Variants in PCGF6 observed in about 807,000 individuals in gnomAD.
The protein encoded by PCGF6 is polycomb group RING finger protein 6.
Under a neutral mutation model 45.5 loss-of-function variants are expected in PCGF6, and 24 were observed. The ratio of observed to expected loss-of-function variants is 0.53; its 90% CI spans 0.38 to 0.74. The LOEUF (loss-of-function observed/expected upper bound fraction) is 0.74. Ranked by LOEUF, PCGF6 falls within the 30% of genes least tolerant of loss-of-function variation. The pLI, the probability that PCGF6 is intolerant of heterozygous loss-of-function variation, is 0.00. For synonymous variants in PCGF6, 152 were observed against 162.1 expected (o/e 0.94, Z 0.47); for missense variants, 356 against 443.2 (o/e 0.80, Z 1.77).
At chr10:103,348,680 T>C (rs1354125655) in intron 3 of PCGF6, 36 bp downstream of exon 3, 3 of 1,397,508 alleles carry the variant, frequency 2.1e-6, no homozygotes, top group South Asian at 1.3e-5. Context: ...AAAAAGTATA[T>C]TTAAAATACA....
chr10:103,322,575 CT>C (rs1184473299), intron 8 of PCGF6, among the ~76,000 whole-genome samples: 1 of 151,734 alleles, frequency 6.6e-6, no homozygotes, highest in Non-Finnish European at 1.5e-5. Flanking sequence ...AATCCCAGTA[CT>C]TTGGGAGGCT....
chr10:103,308,950 T>G (rs1386241386), intron 9 of PCGF6, among the ~76,000 whole-genome samples: 1 of 152,182 alleles, frequency 6.6e-6, no homozygotes, highest in Non-Finnish European at 1.5e-5. Context: ...TGGGGACATA[T>G]AGCCTCATTC....
intron 7 of PCGF6, among the ~76,000 whole-genome samples, chr10:103,327,474 T>A (rs1417122985): frequency 6.6e-6 from 1 of 152,134 alleles, no homozygotes; most frequent in East Asian, 1.9e-4. Context: ...ATCTAGGAAA[T>A]TTAAGTAGTA....
chr10:103,340,828 C>T (rs1266325167), intron 6 of PCGF6, among the ~76,000 whole-genome samples: 1 of 152,106 alleles, frequency 6.6e-6, no homozygotes, highest in Non-Finnish European at 1.5e-5. Flanking sequence ...GTGTCCAGCT[C>T]CTGGACTCCA....
intron 8 of PCGF6, among the ~76,000 whole-genome samples, chr10:103,321,836 A>G (rs2093198712): frequency 6.6e-6 from 1 of 152,142 alleles, no homozygotes; most frequent in African/African-American, 2.4e-5. Context: ...GCCATCCCAC[A>G]ATGTATACAT....
At chr10:103,344,729 AT>A (rs529259344) in intron 6 of PCGF6, among the ~76,000 whole-genome samples, 83 of 144,344 alleles carry the variant, frequency 5.8e-4, no homozygotes, top group Middle Eastern at 3.6e-3. Context: ...CGCCCAGCTA[AT>A]TTTTTTTTTT....
chr10:103,313,437 T>C (rs2093164360), intron 9 of PCGF6, among the ~76,000 whole-genome samples: 1 of 152,138 alleles, frequency 6.6e-6, no homozygotes, highest in Non-Finnish European at 1.5e-5. Flanking sequence ...TGGTGGCACA[T>C]GCCTATAATC....
chr10:103,319,480 T>C (rs1165560474), intron 8 of PCGF6, among the ~76,000 whole-genome samples: 1 of 152,114 alleles, frequency 6.6e-6, no homozygotes, highest in Admixed American at 6.6e-5. Flanking sequence ...ACTAAGTTCT[T>C]TTTTTCTGTG....
At chr10:103,342,498 T>G (rs2093284548) in intron 6 of PCGF6, among the ~76,000 whole-genome samples, 1 of 152,082 alleles carries the variant, frequency 6.6e-6, no homozygotes, top group South Asian at 2.1e-4. Context: ...CCTCCCAAAG[T>G]GCTGGGATTA....
intron 1 of PCGF6, among the ~76,000 whole-genome samples, chr10:103,350,272 A>G (rs1335506875): frequency 6.6e-6 from 1 of 150,546 alleles, no homozygotes; most frequent in Non-Finnish European, 1.5e-5. Flanking sequence ...CGCTACAAAA[A>G]AAAAAAAAAA....
intron 5 of PCGF6, among the ~76,000 whole-genome samples, chr10:103,346,308 A>G (rs1416844125): frequency 6.6e-6 from 1 of 151,834 alleles, no homozygotes; most frequent in East Asian, 1.9e-4. Flanking sequence ...CCTGACAAAC[A>G]TGGAGAAACC....
At chr10:103,320,136 G>A (rs1430296517) in intron 8 of PCGF6, among the ~76,000 whole-genome samples, 2 of 152,008 alleles carry the variant, frequency 1.3e-5, no homozygotes, top group Non-Finnish European at 2.9e-5. Context: ...ATTAGTTATG[G>A]CAGGATTAAC....
intron 8 of PCGF6, among the ~76,000 whole-genome samples, chr10:103,321,603 T>G (rs1472221990): frequency 6.6e-6 from 1 of 151,886 alleles, no homozygotes; most frequent in African/African-American, 2.4e-5. Context: ...TCGCAGCTAC[T>G]CAGGAGGCTG....
intron 6 of PCGF6, among the ~76,000 whole-genome samples, chr10:103,336,240 A>G (rs2093256775): frequency 6.6e-6 from 1 of 151,726 alleles, no homozygotes; most frequent in Non-Finnish European, 1.5e-5. Flanking sequence ...TCTCCAAAAA[A>G]AAAATTTAAA....
At chr10:103,346,357 G>A (rs1214070560) in intron 5 of PCGF6, among the ~76,000 whole-genome samples, 1 of 151,988 alleles carries the variant, frequency 6.6e-6, no homozygotes, top group East Asian at 1.9e-4. Context: ...CAGGCACAGT[G>A]GCTCAAGCCT....
intron 3 of PCGF6, 58 bp downstream of exon 3, chr10:103,348,658 T>TC: frequency 7.8e-7 from 1 of 1,279,642 alleles, no homozygotes; most frequent in Non-Finnish European, 1.1e-6. Flanking sequence ...CTATATAACT[T>TC]CAAGCTTTCA....
Position 103,345,028 on chromosome 10 carries a change from T to A in PCGF6, c.778A>T (p.Ile260Phe), listed in dbSNP as rs138884621. Residue 260 changes from isoleucine (I) to phenylalanine (F), a missense_variant, in exon 6 of 10, where the codon ATT becomes TTT. Ile to Phe is a conservative substitution (Grantham distance 21). Transcript: ENST00000369847. ...GTAAATTTTTAGGGTACTCACCCAA[T>A]GAACTCCAGTAATAAAGACATATCA... ...ELDMSLLLEF[I>F]GANEGTGHFK... 5.0e-6 allele frequency: 8 copies of A among 1,590,608 alleles called. No homozygotes were observed. The highest frequency in any genetic ancestry group is 6.9e-6 in the Non-Finnish European group (8 of 1,164,156).
chr10:103,312,218 C>T (rs1234680760), intron 9 of PCGF6, among the ~76,000 whole-genome samples: 1 of 151,440 alleles, frequency 6.6e-6, no homozygotes, highest in African/African-American at 2.4e-5. Flanking sequence ...ACAGTGAAAC[C>T]CCGTCTCTAT....
chr10:103,348,981 C>T lies in PCGF6; in HGVS notation c.379G>A (p.Glu127Lys). The change falls in exon 2 of 10, where the codon GAG becomes AAG. Residue 127 changes from glutamate (E) to lysine (K), a missense_variant. Physicochemically the swap from Glu to Lys is moderately conservative, Grantham distance 56 (BLOSUM62 1). Around this residue, in one of 2 missense-constraint regions of PCGF6, gnomAD observed 307 missense variants for 350.1 expected, o/e 0.88. Coordinates refer to ENST00000369847, the MANE Select transcript of PCGF6 (RefSeq NM_001011663.2). ...GAACACAAGATGTATGGGGTCAGCTCAGAGAGATTAATCAGGCGCTGCAAA... is the reference window on the plus strand; with the variant it reads ...GAACACAAGATGTATGGGGTCAGCTTAGAGAGATTAATCAGGCGCTGCAAA... ...DEEERLINLS[E>K]LTPYILCSIC... The T allele has an allele frequency of 6.2e-7, 1 of 1,612,894 alleles. No individual in the cohort carries two copies. The highest frequency in any genetic ancestry group is 8.5e-7 in the Non-Finnish European group (1 of 1,179,494).
Sources: allele counts gnomAD v4.1 joint callset (sites outside exome capture counted in the v4.1 genomes callset), GRCh38; gene constraint gnomAD v4.1.1; regional missense constraint gnomAD v4.1.1; transcripts MANE v1.5; gene names NCBI Gene and HGNC (gene_info 2026-07-23, HGNC 2026-07-21).